CDH6: variants seen among roughly 807,000 people sequenced by gnomAD.
The protein encoded by CDH6 is cadherin 6.
Under a neutral mutation model 78.0 loss-of-function variants are expected in CDH6, and 31 were observed. That is an observed-to-expected ratio of 0.40 (90% CI 0.30 to 0.54). The LOEUF (loss-of-function observed/expected upper bound fraction) is 0.54. Among genes scored for constraint, CDH6 ranks in the 20% least tolerant of loss-of-function variants. CDH6 has a pLI of 0.56. For synonymous variants in CDH6, 376 were observed against 368.8 expected (o/e 1.02, Z -0.23); for missense variants, 724 against 975.9 (o/e 0.74, Z 3.44).
At chr5:31,226,388 TG>T (rs2111842186) in intron 1 of CDH6, among the ~76,000 whole-genome samples, 1 of 152,246 alleles carries the variant, frequency 6.6e-6, no homozygotes, top group South Asian at 2.1e-4. Flanking sequence ...TTGGCCAGGG[TG>T]GTCTCAAACT....
intron 1 of CDH6, chr5:31,251,283 G>C (rs1224691555): frequency 6.6e-6 from 1 of 152,270 alleles, no homozygotes; most frequent in Non-Finnish European, 1.5e-5. Flanking sequence ...GGCATCATGG[G>C]CACCAAGCCA....
intron 1 of CDH6, among the ~76,000 whole-genome samples, chr5:31,236,203 G>T (rs890133245): frequency 6.6e-6 from 1 of 152,210 alleles, no homozygotes; most frequent in South Asian, 2.1e-4. Flanking sequence ...CTAAATTTAA[G>T]TAGTTTTGTT....
chr5:31,197,351 C>A (rs1348957057), intron 1 of CDH6, among the ~76,000 whole-genome samples: 1 of 152,152 alleles, frequency 6.6e-6, no homozygotes, highest in Non-Finnish European at 1.5e-5. Flanking sequence ...AGATAACATC[C>A]AGCAGAATCC....
intron 1 of CDH6, among the ~76,000 whole-genome samples, chr5:31,217,648 A>G (rs1740903827): frequency 6.6e-6 from 1 of 152,128 alleles, no homozygotes; most frequent in Non-Finnish European, 1.5e-5. Flanking sequence ...CCTAACCTCA[A>G]AGAACTGAAT....
chr5:31,245,368 T>C (rs774844791), intron 1 of CDH6, among the ~76,000 whole-genome samples: 1 of 152,284 alleles, frequency 6.6e-6, no homozygotes, highest in East Asian at 1.9e-4. Flanking sequence ...TTTGTCCTTA[T>C]TCTTCTTCTC....
At chr5:31,300,793 C>A (rs573044168) in intron 5 of CDH6, among the ~76,000 whole-genome samples, 1 of 152,260 alleles carries the variant, frequency 6.6e-6, no homozygotes, top group South Asian at 2.1e-4. Context: ...TAGAAAGGGG[C>A]AGGAGGCCCT....
At chr5:31,290,746 G>A (rs771305849) in intron 2 of CDH6, among the ~76,000 whole-genome samples, 30 of 152,120 alleles carry the variant, frequency 2.0e-4, no homozygotes, top group Non-Finnish European at 3.1e-4. Flanking sequence ...GGCTTTGGGA[G>A]GTTTCTGCTC....
chr5:31,315,706 G>A (rs773544259), intron 8 of CDH6, among the ~76,000 whole-genome samples: 2 of 152,152 alleles, frequency 1.3e-5, no homozygotes, highest in Non-Finnish European at 1.5e-5. Flanking sequence ...TATAAAATGG[G>A]GGCAGTACCT....
intron 2 of CDH6, among the ~76,000 whole-genome samples, chr5:31,280,716 C>G (rs1269509289): frequency 6.6e-6 from 1 of 151,936 alleles, no homozygotes; most frequent in Non-Finnish European, 1.5e-5. Context: ...ATGAATTTCT[C>G]TTTGCTAATG....
intron 5 of CDH6, among the ~76,000 whole-genome samples, chr5:31,301,859 C>T (rs13359835): frequency 0.017 from 2,665 of 152,306 alleles, 87 homozygotes; most frequent in African/African-American, 0.061. Context: ...ACACCATAAA[C>T]TTTGGAGCCT....
At chr5:31,254,768 A>AT (rs1742009939) in intron 1 of CDH6, among the ~76,000 whole-genome samples, 1 of 152,112 alleles carries the variant, frequency 6.6e-6, no homozygotes, top group South Asian at 2.1e-4. Flanking sequence ...TTTTCTTCGG[A>AT]TTTTTTCATA....
intron 2 of CDH6, among the ~76,000 whole-genome samples, chr5:31,273,022 A>G (rs1442190157): frequency 2.0e-5 from 3 of 152,178 alleles, no homozygotes; most frequent in African/African-American, 7.2e-5. Context: ...AATTCAATGA[A>G]GCCACTCTTC....
intron 1 of CDH6, among the ~76,000 whole-genome samples, chr5:31,200,828 C>T (rs1740332057): frequency 6.6e-6 from 1 of 151,918 alleles, no homozygotes; most frequent in African/African-American, 2.4e-5. Flanking sequence ...TTTCTATTGC[C>T]GCCATTCAAA....
At chr5:31,304,468 C>T (rs1022829542) in intron 6 of CDH6, among the ~76,000 whole-genome samples, 3 of 151,980 alleles carry the variant, frequency 2.0e-5, no homozygotes, top group Admixed American at 1.3e-4. Flanking sequence ...AGGTGGATCA[C>T]GAGTTCAAGA....
intron 1 of CDH6, among the ~76,000 whole-genome samples, chr5:31,259,821 C>T (rs1412652780): frequency 6.6e-6 from 1 of 152,158 alleles, no homozygotes; most frequent in Non-Finnish European, 1.5e-5. Flanking sequence ...TCTAGGAAAA[C>T]CCCAGTGGAA....
chr5:31,225,960 C>A lies in CDH6; in HGVS notation c.-129+32074C>A, dbSNP rs182143037. Among the ~76,000 whole-genome samples, 611 of 152,224 alleles carry A rather than the reference C, an allele frequency of 4.0e-3. 3 individuals carry two copies. Among genetic ancestry groups the A allele is most frequent in the African/African-American group, 0.014 (591 of 41,516 alleles). Reference sequence around the variant, plus strand: ...GAATGCACATTCCAAGTACATACTCCATTCAACATACCCCAGGTATAATTA... The same window carrying A: ...GAATGCACATTCCAAGTACATACTCAATTCAACATACCCCAGGTATAATTA... On this transcript the variant is annotated intron_variant, in intron 1 of 11. Coordinates refer to ENST00000265071, the MANE Select transcript of CDH6 (RefSeq NM_004932.4).
At chr5:31,243,078 A>G (rs1413519912) in intron 1 of CDH6, among the ~76,000 whole-genome samples, 2 of 152,192 alleles carry the variant, frequency 1.3e-5, no homozygotes, top group African/African-American at 4.8e-5. Flanking sequence ...AAGTGCATAC[A>G]TGCACAATCA....
At chr5:31,227,555 C>T (rs1347124336) in intron 1 of CDH6, among the ~76,000 whole-genome samples, 1 of 152,194 alleles carries the variant, frequency 6.6e-6, no homozygotes, top group African/African-American at 2.4e-5. Context: ...ACCTCCCCCT[C>T]CCTAGCAGTG....
intron 1 of CDH6, chr5:31,251,814 C>G (rs1741916146): frequency 6.6e-6 from 1 of 152,202 alleles, no homozygotes; most frequent in African/African-American, 2.4e-5. Context: ...TTCTACCCAT[C>G]AAGCTGCCCT....
Sources: allele counts gnomAD v4.1 joint callset (sites outside exome capture counted in the v4.1 genomes callset), GRCh38; gene constraint gnomAD v4.1.1; transcripts MANE v1.5; gene names NCBI Gene and HGNC (gene_info 2026-07-23, HGNC 2026-07-21).